The following KLF12 variants were observed in gnomAD, a reference collection of about 807,000 sequenced individuals.
KLF12 encodes the protein KLF transcription factor 12.
Under a neutral mutation model 37.8 loss-of-function variants are expected in KLF12, and 9 were observed. That is an observed-to-expected ratio of 0.24 (90% confidence interval 0.14 to 0.42). KLF12 has a LOEUF of 0.42. Ranked by LOEUF, KLF12 falls within the 10% of genes least tolerant of loss-of-function variation. KLF12 has a pLI of 1.00. For missense variants in KLF12, 411 were observed against 516.0 expected (o/e 0.80, Z 1.97); for synonymous variants, 208 against 202.1 (o/e 1.03, Z -0.25).
chr13:73,884,958 C>A (rs1328541671), intron 3 of KLF12, among the ~76,000 whole-genome samples: 1 of 152,162 alleles, frequency 6.6e-6, no homozygotes, highest in African/African-American at 2.4e-5. Flanking sequence ...GTTTTTCTGC[C>A]TGTATCTCTC....
the KLF12 span, among the ~76,000 whole-genome samples, chr13:74,229,908 G>T: frequency 6.6e-6 from 1 of 152,054 alleles, no homozygotes; most frequent in East Asian, 1.9e-4. Context: ...ATGTTTCCTT[G>T]GCTCTTCAAA....
At chr13:74,205,897 T>A in the KLF12 span, among the ~76,000 whole-genome samples, 1 of 152,142 alleles carries the variant, frequency 6.6e-6, no homozygotes, top group Non-Finnish European at 1.5e-5. Flanking sequence ...ATATGAACCC[T>A]GTCAGCAGTA....
chr13:74,082,458 A>G (rs1046351400), intron 1 of KLF12, among the ~76,000 whole-genome samples: 9 of 152,146 alleles, frequency 5.9e-5, no homozygotes, highest in African/African-American at 1.9e-4. Flanking sequence ...TAAAGATTCT[A>G]TCAATAGTCT....
intron 6 of KLF12, among the ~76,000 whole-genome samples, chr13:73,744,481 G>A (rs1036554744): frequency 6.6e-6 from 1 of 151,874 alleles, no homozygotes; most frequent in Non-Finnish European, 1.5e-5. Flanking sequence ...CTTTAGGCAC[G>A]CTGGTGGTAG....
At chr13:73,849,357 C>A in intron 3 of KLF12, among the ~76,000 whole-genome samples, 1 of 117,508 alleles carries the variant, frequency 8.5e-6, no homozygotes, top group Non-Finnish European at 1.6e-5. Flanking sequence ...CCAGCTTGGG[C>A]AACAGAGGGA....
intron 3 of KLF12, among the ~76,000 whole-genome samples, chr13:73,852,875 T>G (rs1054329626): frequency 5.3e-5 from 8 of 150,252 alleles, no homozygotes; most frequent in Admixed American, 6.6e-5. Flanking sequence ...ATTTATGTTT[T>G]TTTTTTTTTT....
chr13:74,018,281 G>T (rs992327181), intron 1 of KLF12, among the ~76,000 whole-genome samples: 3 of 152,142 alleles, frequency 2.0e-5, no homozygotes, highest in African/African-American at 7.2e-5. Flanking sequence ...GAAGTAGAGA[G>T]CAGAATGGTG....
At chr13:74,269,893 T>A in the KLF12 span, among the ~76,000 whole-genome samples, 1 of 152,214 alleles carries the variant, frequency 6.6e-6, no homozygotes, top group Non-Finnish European at 1.5e-5. Context: ...TCCAGTCATT[T>A]TGAGGTGACA....
At chr13:73,758,544 A>T (rs1879338814) in intron 6 of KLF12, among the ~76,000 whole-genome samples, 1 of 152,156 alleles carries the variant, frequency 6.6e-6, no homozygotes, top group African/African-American at 2.4e-5. Flanking sequence ...CCAGGAATCA[A>T]CAAAGAGTAC....
At chr13:73,821,586 A>G (rs918351866) in intron 4 of KLF12, among the ~76,000 whole-genome samples, 2 of 152,184 alleles carry the variant, frequency 1.3e-5, no homozygotes, top group Admixed American at 1.3e-4. Context: ...TTGAAGTCCT[A>G]TTGTACAAAT....
Position 73,994,994 on chromosome 13 carries a change from A to G in KLF12, c.29T>C (p.Ile10Thr), listed in dbSNP as rs754990074. The change falls in exon 2 of 8, where the codon ATA becomes ACA. Residue 10 changes from isoleucine (I) to threonine (T), a missense_variant. This residue lies in a region of KLF12 where 351 missense variants were observed against 397.8 expected (regional missense o/e 0.88). Transcript: ENST00000377669. ...TTTAACATCTGACTAACCAACCTTT[A>G]TTGTTTTTCTCTTCATATGGATATT... 1.3e-6 allele frequency: 2 copies of G among 1,598,764 alleles called. No homozygotes were observed. The highest frequency in any genetic ancestry group is 2.7e-5 in the African/African-American group (2 of 74,730).
At chr13:73,925,842 A>G (rs1050729160) in intron 3 of KLF12, among the ~76,000 whole-genome samples, 1 of 152,180 alleles carries the variant, frequency 6.6e-6, no homozygotes, top group South Asian at 2.1e-4. Flanking sequence ...CACATGGATG[A>G]CTTGGAGGTG....
chr13:73,818,305 C>A (rs182158034), intron 4 of KLF12, among the ~76,000 whole-genome samples: 1 of 152,358 alleles, frequency 6.6e-6, no homozygotes, highest in African/African-American at 2.4e-5. Context: ...GCCACTGCGC[C>A]GGCCGAACAC....
At chr13:74,295,146 A>T in the KLF12 span, among the ~76,000 whole-genome samples, 3 of 152,164 alleles carry the variant, frequency 2.0e-5, no homozygotes, top group African/African-American at 7.2e-5. Context: ...TGTTGTCATG[A>T]TTTAGATGGA....
intron 5 of KLF12, among the ~76,000 whole-genome samples, chr13:73,798,335 A>G (rs1271558992): frequency 1.3e-5 from 2 of 152,190 alleles, no homozygotes; most frequent in Non-Finnish European, 2.9e-5. Context: ...CAACCTAGGC[A>G]ATACCAACCT....
chr13:74,160,490 G>A, the KLF12 span, among the ~76,000 whole-genome samples: 2 of 152,188 alleles, frequency 1.3e-5, no homozygotes, highest in African/African-American at 4.8e-5. Flanking sequence ...TTCAGGGAAC[G>A]TCTCAGCCTA....
Position 73,690,804 on chromosome 13 carries a change from G to T in KLF12, c.*4686C>A, listed in dbSNP as rs1340719663. ...CAACCTCTGTAAAATTTGTGAGTTT[G>T]AAAATACTTTTTCCACTATCACATA... On this transcript the variant is annotated 3_prime_UTR_variant, in exon 8 of 8. Coordinates refer to ENST00000377669, the MANE Select transcript of KLF12 (RefSeq NM_007249.5). The T allele has an allele frequency of 6.6e-6, 1 of 152,562 alleles. No individual in the cohort carries two copies. The highest frequency in any genetic ancestry group is 1.5e-5 in the Non-Finnish European group (1 of 68,018). 9.5% of individuals were successfully genotyped at this position (152,562 alleles called of 1,614,324 possible).
chr13:74,008,039 G>A (rs1480095929), intron 1 of KLF12, among the ~76,000 whole-genome samples: 2 of 151,992 alleles, frequency 1.3e-5, no homozygotes, highest in Admixed American at 6.5e-5. Flanking sequence ...AGCTGGAAAG[G>A]GATACAAGGG....
chr13:74,272,588 C>T, the KLF12 span, among the ~76,000 whole-genome samples: 3 of 152,150 alleles, frequency 2.0e-5, no homozygotes, highest in Non-Finnish European at 4.4e-5. Flanking sequence ...AGGTGGTAAC[C>T]CTTACCTAGG....
Sources: allele counts gnomAD v4.1 joint callset (sites outside exome capture counted in the v4.1 genomes callset), GRCh38; gene constraint gnomAD v4.1.1; regional missense constraint gnomAD v4.1.1; transcripts MANE v1.5; gene names NCBI Gene and HGNC (gene_info 2026-07-23, HGNC 2026-07-21).